The following LIMA1 variants were observed in gnomAD, a reference collection of about 807,000 sequenced individuals.
The protein encoded by LIMA1 is LIM domain and actin binding 1.
Under a neutral mutation model 62.6 loss-of-function variants are expected in LIMA1, and 52 were observed. The observed-to-expected ratio is 0.83, with a 90% CI of 0.67 to 1.05. LIMA1 has a LOEUF of 1.05. Ranked by LOEUF, LIMA1 falls within the 50% of genes least tolerant of loss-of-function variation. LIMA1 has a pLI of 0.00. For synonymous variants in LIMA1, 302 were observed against 317.8 expected, an observed-to-expected ratio of 0.95 and a Z score of 0.53; for missense variants, 780 against 902.2, an observed-to-expected ratio of 0.86 and a Z score of 1.74.
At chr12:50,255,320 C>T (rs778478404) in intron 1 of LIMA1, among the ~76,000 whole-genome samples, 1 of 151,216 alleles carries the variant, frequency 6.6e-6, no homozygotes, top group African/African-American at 2.4e-5. Context: ...TTTGGGAGGC[C>T]GAGGCAGGCA....
At chr12:50,244,531 G>A (rs1941821672) in intron 2 of LIMA1, among the ~76,000 whole-genome samples, 1 of 152,194 alleles carries the variant, frequency 6.6e-6, no homozygotes, top group Non-Finnish European at 1.5e-5. Context: ...GAGCCAGCGT[G>A]CCCAGCCAAA....
Position 50,222,360 on chromosome 12 carries a change from A to G in LIMA1, c.291T>C (p.Ile97=), listed in dbSNP as rs748455227. ...TDSLRNSSTE[I]RHRADHPPAE... is the part of the protein sequence containing the mutation. ...CAGGAGGATGGTCTGCTCTGTGCCTAATCTCAGTGCTGCTGTTCCGTAGAG... is the reference window on the plus strand; with the variant it reads ...CAGGAGGATGGTCTGCTCTGTGCCTGATCTCAGTGCTGCTGTTCCGTAGAG... The change falls in exon 4 of 11, where the codon ATT becomes ATC. Residue 97 remains isoleucine, a synonymous_variant. Transcript: ENST00000341247. The G allele has an allele frequency of 6.2e-7, 1 of 1,614,114 alleles. No homozygotes were observed. Among genetic ancestry groups the G allele is most frequent in the Non-Finnish European group, 8.5e-7 (1 of 1,180,036 alleles).
At chr12:50,182,478 G>C (rs570037796) in intron 9 of LIMA1, among the ~76,000 whole-genome samples, 1 of 152,280 alleles carries the variant, frequency 6.6e-6, no homozygotes, top group East Asian at 1.9e-4. Flanking sequence ...AGGAGAGGAA[G>C]AGCATTTGGC....
intron 1 of LIMA1, among the ~76,000 whole-genome samples, chr12:50,270,762 T>A (rs1269006797): frequency 2.0e-5 from 3 of 152,162 alleles, no homozygotes; most frequent in Non-Finnish European, 4.4e-5. Flanking sequence ...GTGGTAATCT[T>A]CACATATCTT....
Position 50,222,077 on chromosome 12 carries a change from C to T in LIMA1, c.574G>A (p.Val192Ile). 6.2e-7 allele frequency: 1 copy of T among 1,614,146 alleles called. No individual in the cohort carries two copies. Among genetic ancestry groups the T allele is most frequent in the Non-Finnish European group, 8.5e-7 (1 of 1,180,034 alleles). The change falls in exon 4 of 11, where the codon GTT (valine) becomes ATT (isoleucine). Residue 192 changes from valine to isoleucine, a missense_variant. Val to Ile is a conservative substitution (Grantham distance 29, BLOSUM62 3). Transcript: ENST00000341247. ...DASGKIEKYN[V>I]PLNRLKMMFE... ...ATCATCTTAAGCCTGTTCAGCGGAA[C>T]ATTATATTTCTCTATTTTGCCCGAA...
chr12:50,206,621 T>C (rs1270762295), intron 4 of LIMA1, among the ~76,000 whole-genome samples: 1 of 152,162 alleles, frequency 6.6e-6, no homozygotes, highest in African/African-American at 2.4e-5. Context: ...TCCTACTCAT[T>C]CCTGAAATTA....
intron 1 of LIMA1, among the ~76,000 whole-genome samples, chr12:50,273,389 G>C (rs1161733796): frequency 6.6e-6 from 1 of 152,112 alleles, no homozygotes; most frequent in African/African-American, 2.4e-5. Flanking sequence ...AGTTGGCAGG[G>C]GAAAGATCAT....
intron 6 of LIMA1, chr12:50,201,564 T>C: frequency 1.0e-6 from 1 of 971,438 alleles, no homozygotes; most frequent in Non-Finnish European, 1.2e-6. Context: ...CAAAGGACAC[T>C]GGGGTGAATA....
chr12:50,255,953 A>G (rs1368737574), intron 1 of LIMA1, among the ~76,000 whole-genome samples: 1 of 151,924 alleles, frequency 6.6e-6, no homozygotes, highest in Non-Finnish European at 1.5e-5. Context: ...GCAGTGGCGC[A>G]ATCTCGGCTC....
chr12:50,205,966 A>C lies in LIMA1; in HGVS notation c.715+18T>G. On this transcript the variant is annotated intron_variant, in intron 5 of 10. Coordinates refer to ENST00000341247, the MANE Select transcript of LIMA1 (RefSeq NM_016357.5). Reference sequence around the variant, plus strand: ...GTACTTCCTAAAGGACCTCATACACATGGAACTCTCTGCTTACCTGGGCCT... The same window carrying C: ...GTACTTCCTAAAGGACCTCATACACCTGGAACTCTCTGCTTACCTGGGCCT... 5.6e-6 allele frequency: 9 copies of C among 1,598,236 alleles called. No individual in the cohort carries two copies. Among genetic ancestry groups the C allele is most frequent in the Non-Finnish European group, 7.7e-6 (9 of 1,166,958 alleles).
chr12:50,242,266 C>T (rs79208669), intron 2 of LIMA1, among the ~76,000 whole-genome samples: 3,205 of 151,520 alleles, frequency 0.021, 112 homozygotes, highest in African/African-American at 0.074. Flanking sequence ...TACAGAGAAG[C>T]GAAAGAAGAG....
chr12:50,221,437 G>A (rs1565846797), intron 4 of LIMA1, among the ~76,000 whole-genome samples: 3 of 152,182 alleles, frequency 2.0e-5, no homozygotes, highest in African/African-American at 4.8e-5. Flanking sequence ...GTAGGAAAAC[G>A]CAACCCTGTG....
intron 1 of LIMA1, among the ~76,000 whole-genome samples, chr12:50,250,777 AT>A (rs2138645077): frequency 6.6e-6 from 1 of 152,264 alleles, no homozygotes; most frequent in African/African-American, 2.4e-5. Context: ...TTAGAGACAG[AT>A]AAGTCTAAGT....
Position 50,176,245 on chromosome 12 carries a change from G to A in LIMA1, c.*819C>T, listed in dbSNP as rs570031362. 7 of 152,232 alleles carry A rather than the reference G, an allele frequency of 4.6e-5. No homozygotes were observed. The South Asian group carries it at 1.5e-3, about 32-fold the overall frequency. The allele number at this position is 152,232 out of a possible 1,614,324, so 9.4% of individuals were successfully genotyped here. A position where few individuals can be genotyped will look rare whatever the true frequency, so the allele number is the denominator to read the frequency against. The stretch of plus-strand genomic sequence containing the variant: ...TCACTTTGCTCTAACACGGAAGATG[G>A]GGGACAGTGATCCCGAAGGTATTAC... On this transcript the variant is annotated 3_prime_UTR_variant, in exon 11 of 11. Transcript: ENST00000341247.
chr12:50,198,395 T>C (rs1379332437), intron 7 of LIMA1, among the ~76,000 whole-genome samples: 2 of 151,850 alleles, frequency 1.3e-5, no homozygotes, highest in Non-Finnish European at 2.9e-5. Flanking sequence ...AAAATAAAGA[T>C]AAAAATAAAT....
At chr12:50,264,778 T>C (rs1942118582) in intron 1 of LIMA1, among the ~76,000 whole-genome samples, 1 of 152,242 alleles carries the variant, frequency 6.6e-6, no homozygotes, top group African/African-American at 2.4e-5. Flanking sequence ...AAGGTTCAGA[T>C]ACTAGAACTC....
At chr12:50,241,491 A>C (rs1208933637) in intron 2 of LIMA1, among the ~76,000 whole-genome samples, 1 of 152,192 alleles carries the variant, frequency 6.6e-6, no homozygotes, top group African/African-American at 2.4e-5. Flanking sequence ...ATTAAAAAAA[A>C]ATCAAAATAG....
intron 9 of LIMA1, chr12:50,189,961 T>A (rs1310441322): frequency 6.8e-6 from 1 of 146,788 alleles, no homozygotes; most frequent in Non-Finnish European, 1.5e-5. Context: ...CTGCCCGCCT[T>A]GGCCTCCCAA....
intron 2 of LIMA1, among the ~76,000 whole-genome samples, chr12:50,245,529 T>C (rs1941836051): frequency 6.6e-6 from 1 of 151,674 alleles, no homozygotes; most frequent in Non-Finnish European, 1.5e-5. Flanking sequence ...TTGGTGCCAA[T>C]GGCCCTGGGG....
Sources: gnomAD v4.1 joint callset for allele counts (sites outside exome capture counted in the v4.1 genomes callset) on GRCh38, gnomAD v4.1.1 for gene constraint, MANE v1.5 for transcripts, NCBI Gene and HGNC (gene_info 2026-07-23, HGNC 2026-07-21) for gene names.